EFEMP1: variants seen among roughly 807,000 people sequenced by gnomAD.
EFEMP1 encodes EGF-like fibulin extracellular matrix protein 1, also known as EGF-containing fibulin-like extracellular matrix protein 1.
EFEMP1 carries 18 observed loss-of-function variants against 65.7 expected under a neutral mutation model. That is an observed-to-expected ratio of 0.27 (90% CI 0.19 to 0.41). EFEMP1 has a LOEUF of 0.41. Ranked by LOEUF, EFEMP1 falls within the 10% of genes least tolerant of loss-of-function variation. The pLI is 1.00. For missense variants in EFEMP1, 469 were observed against 624.8 expected, an observed-to-expected ratio of 0.75 and a Z score of 2.66; for synonymous variants, 237 against 219.7, an observed-to-expected ratio of 1.08 and a Z score of -0.70.
chr2:55,920,881 G>A (rs1670888344), intron 3 of EFEMP1, among the ~76,000 whole-genome samples: 2 of 152,170 alleles, frequency 1.3e-5, no homozygotes, highest in Admixed American at 1.3e-4. Context: ...TGAATTATTA[G>A]GCATACAAAA....
Position 55,870,936 on chromosome 2 carries a change from A to G in EFEMP1, c.1125-21T>C. 1.2e-6 allele frequency: 2 copies of G among 1,613,772 alleles called. No individual in the cohort carries two copies. The highest frequency in any genetic ancestry group is 1.7e-6 in the Non-Finnish European group (2 of 1,179,790). On this transcript the variant is annotated intron_variant, in intron 10 of 11. Coordinates refer to ENST00000355426, the MANE Select transcript of EFEMP1 (RefSeq NM_001039348.3). This position sits in a 1 kb window ranked among gnomAD's most constrained non-coding sequence, Gnocchi z 5.8. The stretch of plus-strand genomic sequence containing the variant: ...ATCGGCTGCAGAGACAAACAAAAGT[A>G]TTCAGCAGTTTGGCTTGGTAAGACC...
At chr2:55,912,666 C>A (rs966614420) in intron 5 of EFEMP1, among the ~76,000 whole-genome samples, 7 of 152,064 alleles carry the variant, frequency 4.6e-5, no homozygotes, top group Non-Finnish European at 1.0e-4. Flanking sequence ...TAATTTGTTC[C>A]TTTAGACTTT....
At chr2:55,902,721 G>A (rs910899864) in intron 5 of EFEMP1, among the ~76,000 whole-genome samples, 15 of 152,120 alleles carry the variant, frequency 9.9e-5, no homozygotes, top group Non-Finnish European at 2.1e-4. Context: ...GAACCAGCTG[G>A]TTTTTTGCTT....
At chr2:55,915,988 C>G (rs145433484) in intron 5 of EFEMP1, among the ~76,000 whole-genome samples, 40 of 152,130 alleles carry the variant, frequency 2.6e-4, no homozygotes, top group African/African-American at 9.2e-4. Context: ...GATGCTAATA[C>G]GATGCACCCT....
Position 55,917,025 on chromosome 2 carries a change from G to C in EFEMP1, c.517+640C>G, listed in dbSNP as rs940712169. ...ATGAGAGCTTAAAAGAGATATAAAC[G>C]TGAGTGGGGGAGAATCCCTCCAAGG... On this transcript the variant is annotated intron_variant, in intron 5 of 11. Transcript: ENST00000355426. This position sits in a 1 kb window ranked among gnomAD's most constrained non-coding sequence, Gnocchi z 6.3. Among the ~76,000 whole-genome samples the C allele has an allele frequency of 6.6e-6, 1 of 152,182 alleles. No individual in the cohort carries two copies. The highest frequency in any genetic ancestry group is 2.4e-5 in the African/African-American group (1 of 41,454).
At position 55,883,767 on chromosome 2, in the gene EFEMP1, G is replaced by C. The variant is rs1267399326; in HGVS notation, c.518-2033C>G. Among the ~76,000 whole-genome samples the C allele has an allele frequency of 6.6e-6, 1 of 152,100 alleles. No homozygotes were observed. Among genetic ancestry groups the C allele is most frequent in the East Asian group, 1.9e-4 (1 of 5,202 alleles). On this transcript the variant is annotated intron_variant, in intron 5 of 11. Transcript: ENST00000355426. The surrounding 1 kb of genome is among the most constrained non-coding windows in gnomAD (Gnocchi z 4.5). ...TCTGATAAATAGGCTAACATTTCCA[G>C]TGGAATTAATGTATCATTAAGTAGA...
chr2:55,916,627 C>T (rs1401675080), intron 5 of EFEMP1, among the ~76,000 whole-genome samples: 2 of 152,172 alleles, frequency 1.3e-5, no homozygotes, highest in Non-Finnish European at 2.9e-5. Flanking sequence ...CTCCTGGACC[C>T]TTTCCATTGG....
At chr2:55,895,492 C>T (rs555611015) in intron 5 of EFEMP1, among the ~76,000 whole-genome samples, 36 of 152,118 alleles carry the variant, frequency 2.4e-4, no homozygotes, top group Non-Finnish European at 1.0e-4. Context: ...CAGGTCACCA[C>T]AGAAAGTAGC....
chr2:55,917,770 CAA>C lies in EFEMP1; in HGVS notation c.410_411del (p.Phe137CysfsTer8), dbSNP rs1175483566. 1 of 1,614,206 alleles carries C rather than the reference CAA, an allele frequency of 6.2e-7. No homozygotes were observed. Among genetic ancestry groups the C allele is most frequent in the Non-Finnish European group, 8.5e-7 (1 of 1,180,042 alleles). On this transcript the variant is annotated frameshift_variant, in exon 5 of 12. Transcript: ENST00000355426. LOFTEE classifies it high-confidence loss of function. This position sits in a 1 kb window ranked among gnomAD's most constrained non-coding sequence, Gnocchi z 6.3. ...GGGTCAGCTGGGTTCCGCCGGATGA[CAA>C]AGTTATTTCGGCCAGTCTGCATTTC... ...GPEMQTGRNN[F>X]VIRRNPADPQ...
chr2:55,922,560 C>T lies in EFEMP1; in HGVS notation c.-7-113G>A. 2 of 945,082 alleles carry T rather than the reference C, an allele frequency of 2.1e-6. No individual in the cohort carries two copies. Among genetic ancestry groups the T allele is most frequent in the Non-Finnish European group, 3.4e-6 (2 of 595,708 alleles). 58.5% of individuals were successfully genotyped at this position (945,082 alleles called of 1,614,324 possible). A position where few individuals can be genotyped will look rare whatever the true frequency, so the allele number is the denominator to read the frequency against. On this transcript the variant is annotated intron_variant, in intron 2 of 11. Transcript: ENST00000355426. The surrounding 1 kb of genome is among the most constrained non-coding windows in gnomAD (Gnocchi z 5.5). ...GAGGGTGGGAGAGGCTGAGGCTCCA[C>T]CATACTCAACTTCCAATCTGCTTTC... is the stretch of plus-strand genomic sequence containing the variant.
At chr2:55,909,344 G>A (rs56210563) in intron 5 of EFEMP1, among the ~76,000 whole-genome samples, 1 of 152,076 alleles carries the variant, frequency 6.6e-6, no homozygotes, top group South Asian at 2.1e-4. Context: ...GTGGAGTTAC[G>A]GAGGATGGAA....
chr2:55,909,916 G>A (rs1212570406), intron 5 of EFEMP1, among the ~76,000 whole-genome samples: 1 of 152,110 alleles, frequency 6.6e-6, no homozygotes, highest in Non-Finnish European at 1.5e-5. Flanking sequence ...TTAAGCTACA[G>A]CAGAAAGTGG....
chr2:55,921,173 C>T lies in EFEMP1; in HGVS notation c.81+1187G>A, dbSNP rs902186890. Reference sequence around the variant, plus strand: ...AAGGCAGTAAGTTTAGTCTGAATAACAAAACATTTTCATTTTAAGATAAAC... The same window carrying T: ...AAGGCAGTAAGTTTAGTCTGAATAATAAAACATTTTCATTTTAAGATAAAC... On this transcript the variant is annotated intron_variant, in intron 3 of 11. Transcript: ENST00000355426. The surrounding 1 kb of genome is among the most constrained non-coding windows in gnomAD (Gnocchi z 4.1). Among the ~76,000 whole-genome samples the T allele has an allele frequency of 1.3e-5, 2 of 152,160 alleles. No homozygotes were observed. Among genetic ancestry groups the T allele is most frequent in the African/African-American group, 2.4e-5 (1 of 41,450 alleles).
At position 55,873,052 on chromosome 2, in the gene EFEMP1, CTCTG is replaced by C. The variant is rs997111318; in HGVS notation, c.1000+1890_1000+1893del. On this transcript the variant is annotated intron_variant, in intron 9 of 11. Coordinates refer to ENST00000355426, the MANE Select transcript of EFEMP1 (RefSeq NM_001039348.3). The surrounding 1 kb of genome is among the most constrained non-coding windows in gnomAD (Gnocchi z 4.6). ...TATGTGTATGTGTATTCTTTTGTCTCTCTGTCTCTCTCTCCACACACACACACAC... is the reference window on the plus strand; with the variant it reads ...TATGTGTATGTGTATTCTTTTGTCTCTCTCTCTCTCCACACACACACACAC... 1.6e-5 allele frequency among the ~76,000 whole-genome samples: 2 copies of C among 126,646 alleles called. No individual in the cohort carries two copies. Among genetic ancestry groups the C allele is most frequent in the South Asian group, 2.8e-4 (1 of 3,634 alleles). The allele number at this position is 126,646 out of a possible 152,430, so 83.1% of individuals were successfully genotyped here. A position where few individuals can be genotyped will look rare whatever the true frequency, so the allele number is the denominator to read the frequency against.
chr2:55,875,545 T>C (rs149945694), intron 8 of EFEMP1, among the ~76,000 whole-genome samples: 26 of 152,140 alleles, frequency 1.7e-4, no homozygotes, highest in Non-Finnish European at 8.8e-5. Flanking sequence ...GCACAAAAAG[T>C]TTTTCTTATC....
chr2:55,876,771 T>G (rs780959367), intron 7 of EFEMP1, 29 bp from the exon 8 acceptor site: 2 of 1,283,560 alleles, frequency 1.6e-6, no homozygotes, highest in African/African-American at 3.0e-5. Context: ...TATATATATA[T>G]GTATATGTAT....
intron 5 of EFEMP1, among the ~76,000 whole-genome samples, chr2:55,903,602 C>A (rs1377493055): frequency 6.6e-6 from 1 of 152,122 alleles, no homozygotes; most frequent in African/African-American, 2.4e-5. Context: ...TTGAGAAGCA[C>A]TAATCTATAA....
chr2:55,876,596 T>G (rs1286392894), intron 8 of EFEMP1, 27 bp downstream of exon 8: 2 of 1,609,998 alleles, frequency 1.2e-6, no homozygotes, highest in Non-Finnish European at 1.7e-6. Flanking sequence ...TTGGACTTTA[T>G]TCCATACTAT....
chr2:55,904,975 TTTTC>T (rs1670190822), intron 5 of EFEMP1, among the ~76,000 whole-genome samples: 1 of 29,028 alleles, frequency 3.4e-5, no homozygotes, highest in Non-Finnish European at 5.9e-5. Flanking sequence ...GCTTTTTTTT[TTTTC>T]TTTTTCTTTT....
Sources: allele counts gnomAD v4.1 joint callset (sites outside exome capture counted in the v4.1 genomes callset), GRCh38; gene constraint gnomAD v4.1.1; non-coding constraint Gnocchi (gnomAD v3.1); transcripts MANE v1.5; gene names NCBI Gene and HGNC (gene_info 2026-07-23, HGNC 2026-07-21).